The following UBE2D3 variants were observed in gnomAD, a reference collection of about 807,000 sequenced individuals.
UBE2D3 encodes the protein ubiquitin-conjugating enzyme E2 D3.
A neutral mutation model predicts 22.8 loss-of-function variants in UBE2D3; 2 were observed. That is an observed-to-expected ratio of 0.09 (90% confidence interval 0.04 to 0.28). The LOEUF (loss-of-function observed/expected upper bound fraction) is 0.28. Among genes scored for constraint, UBE2D3 ranks in the 10% least tolerant of loss-of-function variants. The pLI is 1.00. For missense variants in UBE2D3, 27 were observed against 182.5 expected, an observed-to-expected ratio of 0.15 and a Z score of 4.91; for synonymous variants, 56 against 60.4, an observed-to-expected ratio of 0.93 and a Z score of 0.34.
intron 2 of UBE2D3, 146 bp downstream of exon 2, chr4:102,826,339 G>T: frequency 9.6e-7 from 1 of 1,039,318 alleles, no homozygotes; most frequent in Non-Finnish European, 1.4e-6. Flanking sequence ...TCTTCAAGAA[G>T]TATATCTGCG....
chr4:102,841,180 G>A (rs1205506101), intron 1 of UBE2D3, among the ~76,000 whole-genome samples: 1 of 152,070 alleles, frequency 6.6e-6, no homozygotes, highest in Non-Finnish European at 1.5e-5. Context: ...TTTAAATGAG[G>A]AGGGAATACA....
At chr4:102,802,701 T>G in intron 4 of UBE2D3, 63 bp from the exon 5 acceptor site, 2 of 1,332,696 alleles carry the variant, frequency 1.5e-6, no homozygotes, top group Non-Finnish European at 2.1e-6. Context: ...TTCCGTAACA[T>G]TTGTTTCCAA....
At chr4:102,818,983 C>T (rs1210732077) in intron 2 of UBE2D3, among the ~76,000 whole-genome samples, 1 of 152,080 alleles carries the variant, frequency 6.6e-6, no homozygotes, top group Non-Finnish European at 1.5e-5. Context: ...GAACAGTAGG[C>T]CAAGGTATTG....
At chr4:102,838,365 TGGAACATGACACAGTA>T (rs2110352960) in intron 1 of UBE2D3, among the ~76,000 whole-genome samples, 1 of 152,294 alleles carries the variant, frequency 6.6e-6, no homozygotes, top group East Asian at 1.9e-4. Context: ...TGATGTTCTT[TGGAACATGACACAGTA>T]CCACATAGGA....
chr4:102,799,000 C>T (rs543527944), intron 7 of UBE2D3: 1 of 1,598,460 alleles, frequency 6.3e-7, no homozygotes. Flanking sequence ...GTACACTTAG[C>T]ATTAATTATA....
rs752056744 is a variant in UBE2D3, at chr4:102,796,661, T to C, written c.*754A>G. The stretch of plus-strand genomic sequence containing the variant: ...GAGCTATTAGTTGATCACTCATCCA[T>C]TGACAACTTGCATCATTTATTCAGT... On this transcript the variant is annotated 3_prime_UTR_variant, in exon 8 of 8. Coordinates refer to ENST00000453744, the MANE Select transcript of UBE2D3 (RefSeq NM_181891.3). 1 of 152,450 alleles carries C rather than the reference T, an allele frequency of 6.6e-6. No homozygotes were observed. The highest frequency in any genetic ancestry group is 1.5e-5 in the Non-Finnish European group (1 of 67,886). The allele number at this position is 152,450 out of a possible 1,614,324, so 9.4% of individuals were successfully genotyped here. A position where few individuals can be genotyped will look rare whatever the true frequency, so the allele number is the denominator to read the frequency against.
At chr4:102,822,571 A>G (rs753775211) in intron 2 of UBE2D3, among the ~76,000 whole-genome samples, 4 of 152,248 alleles carry the variant, frequency 2.6e-5, no homozygotes, top group Non-Finnish European at 5.9e-5. Flanking sequence ...CCAATTACTT[A>G]GATGTATAAG....
chr4:102,836,287 T>C (rs1578281906), intron 1 of UBE2D3, among the ~76,000 whole-genome samples: 1 of 151,778 alleles, frequency 6.6e-6, no homozygotes. Context: ...GCTGGGACTA[T>C]AGGCACTCGC....
intron 2 of UBE2D3, among the ~76,000 whole-genome samples, chr4:102,823,165 T>C (rs1465383807): frequency 2.0e-5 from 3 of 152,162 alleles, no homozygotes; most frequent in Non-Finnish European, 4.4e-5. Flanking sequence ...TAATAGATAA[T>C]ACTATATGCA....
chr4:102,828,422 C>T (rs997162722), upstream of UBE2D3, among the ~76,000 whole-genome samples: 4 of 151,974 alleles, frequency 2.6e-5, no homozygotes, highest in Non-Finnish European at 5.9e-5. Flanking sequence ...GTTGGCCGCT[C>T]ATCAGCGCTC....
chr4:102,818,268 G>A (rs1729060904), intron 2 of UBE2D3, among the ~76,000 whole-genome samples: 1 of 152,150 alleles, frequency 6.6e-6, no homozygotes, highest in Non-Finnish European at 1.5e-5. Flanking sequence ...AAGAACAAAA[G>A]GTTGGACATT....
At chr4:102,799,349 G>A (rs1299650222) in intron 7 of UBE2D3, 58 bp downstream of exon 7, 4 of 1,369,222 alleles carry the variant, frequency 2.9e-6, no homozygotes, top group East Asian at 2.3e-5. Context: ...CACAAGCAAA[G>A]TATAAGCCTA....
intron 2 of UBE2D3, among the ~76,000 whole-genome samples, chr4:102,824,412 C>G (rs551162604): frequency 6.6e-6 from 1 of 152,320 alleles, no homozygotes; most frequent in African/African-American, 2.4e-5. Flanking sequence ...CAAAACAAAT[C>G]TAGGAACTTA....
chr4:102,807,079 T>C (rs1025236462), intron 4 of UBE2D3, among the ~76,000 whole-genome samples: 2 of 152,178 alleles, frequency 1.3e-5, no homozygotes, highest in Non-Finnish European at 2.9e-5. Flanking sequence ...GTATATTCCC[T>C]ACAGTCAGGA....
intron 1 of UBE2D3, chr4:102,837,203 C>G (rs1731458112): frequency 6.6e-6 from 1 of 152,182 alleles, no homozygotes; most frequent in South Asian, 2.1e-4. Flanking sequence ...TGTGATAGAA[C>G]TGGCTTGTAA....
chr4:102,822,273 A>T (rs1729737881), intron 2 of UBE2D3, among the ~76,000 whole-genome samples: 1 of 152,222 alleles, frequency 6.6e-6, no homozygotes, highest in Non-Finnish European at 1.5e-5. Flanking sequence ...TATTATCAGC[A>T]TCCTTCAGTC....
At chr4:102,825,923 G>A in intron 2 of UBE2D3, 1 of 383,736 alleles carries the variant, frequency 2.6e-6, no homozygotes. Flanking sequence ...CTTATTCGGT[G>A]TAACCTGCCC....
chr4:102,857,234 T>C (rs1409995271), intron 1 of UBE2D3, among the ~76,000 whole-genome samples: 2 of 152,214 alleles, frequency 1.3e-5, no homozygotes, highest in African/African-American at 4.8e-5. Context: ...AAAAACTTCA[T>C]TTAGAAAAAC....
At chr4:102,805,876 T>C (rs925836204) in intron 4 of UBE2D3, among the ~76,000 whole-genome samples, 2 of 152,204 alleles carry the variant, frequency 1.3e-5, no homozygotes, top group Non-Finnish European at 2.9e-5. Context: ...TAGCAAGCCA[T>C]AACTGAAAGC....
Sources: allele counts gnomAD v4.1 joint callset (sites outside exome capture counted in the v4.1 genomes callset), GRCh38; gene constraint gnomAD v4.1.1; transcripts MANE v1.5; gene names NCBI Gene and HGNC (gene_info 2026-07-23, HGNC 2026-07-21).